PCDH11X: variants seen among roughly 807,000 people sequenced by gnomAD.
PCDH11X encodes protocadherin-11 X-linked.
PCDH11X carries 18 observed loss-of-function variants against 53.3 expected under a neutral mutation model. The observed-to-expected ratio is 0.34, with a 90% CI of 0.23 to 0.50. The LOEUF is 0.50. Ranked by LOEUF, PCDH11X falls within the 20% of genes least tolerant of loss-of-function variation. The pLI is 0.98. For synonymous variants in PCDH11X, 279 were observed against 393.3 expected, an observed-to-expected ratio of 0.71 and a Z score of 3.44; for missense variants, 570 against 1,032.4, an observed-to-expected ratio of 0.55 and a Z score of 6.14.
At chrX:92,263,635 C>T (rs748336581) in intron 8 of PCDH11X, among the ~76,000 whole-genome samples, 11 of 111,335 alleles carry the variant, frequency 9.9e-5, no homozygotes, top group East Asian at 8.5e-4. Flanking sequence ...TCCTTCAATG[C>T]GAAAATTTTA....
chrX:91,962,941 T>A (rs776315569), intron 6 of PCDH11X, among the ~76,000 whole-genome samples: 1 of 108,537 alleles, frequency 9.2e-6, no homozygotes, highest in Non-Finnish European at 1.9e-5. Context: ...GGGCATCAAG[T>A]CCCAAGACTA....
At chrX:92,536,227 T>A (rs1246465628) in intron 10 of PCDH11X, among the ~76,000 whole-genome samples, 8 of 111,703 alleles carry the variant, frequency 7.2e-5, no homozygotes, top group Admixed American at 1.9e-4. Flanking sequence ...TCTCGTAGTA[T>A]GTTTTCCAGC....
chrX:92,359,160 G>A (rs192891080), intron 8 of PCDH11X, among the ~76,000 whole-genome samples: 1,667 of 104,779 alleles, frequency 0.016, 33 homozygotes, highest in African/African-American at 0.054. Flanking sequence ...GATTAATTTG[G>A]GGGAGGATAA....
chrX:92,575,564 G>A (rs1276394150), intron 10 of PCDH11X, among the ~76,000 whole-genome samples: 2 of 108,631 alleles, frequency 1.8e-5, no homozygotes, highest in African/African-American at 6.6e-5. Context: ...AGTAAAGTGT[G>A]AGCTTATTAT....
intron 8 of PCDH11X, among the ~76,000 whole-genome samples, chrX:92,361,922 T>G (rs2148540563): frequency 9.0e-6 from 1 of 111,701 alleles, no homozygotes; most frequent in East Asian, 2.8e-4. Flanking sequence ...CATGTACTAT[T>G]TGTCTTTTTT....
intron 9 of PCDH11X, among the ~76,000 whole-genome samples, chrX:92,447,262 A>G (rs1268705499): frequency 8.9e-6 from 1 of 111,991 alleles, no homozygotes; most frequent in Non-Finnish European, 1.9e-5. Flanking sequence ...TTAATCACCA[A>G]GACAGTGGGG....
intron 8 of PCDH11X, among the ~76,000 whole-genome samples, chrX:92,300,494 G>C (rs1185278867): frequency 9.1e-6 from 1 of 110,483 alleles, no homozygotes; most frequent in Non-Finnish European, 1.9e-5. Flanking sequence ...TTGTTTGTTT[G>C]TTTTTCGGAG....
intron 9 of PCDH11X, among the ~76,000 whole-genome samples, chrX:92,436,491 T>G (rs760797346): frequency 9.0e-6 from 1 of 111,562 alleles, no homozygotes; most frequent in South Asian, 3.8e-4. Context: ...CCCAGAGGAA[T>G]AAAAATCATT....
intron 8 of PCDH11X, among the ~76,000 whole-genome samples, chrX:92,355,166 G>T (rs1484861117): frequency 9.7e-6 from 1 of 103,479 alleles, no homozygotes; most frequent in Non-Finnish European, 1.9e-5. Context: ...GGTGGTTCAC[G>T]CCTGTAATCC....
intron 6 of PCDH11X, among the ~76,000 whole-genome samples, chrX:92,046,811 T>C (rs1311669275): frequency 9.2e-6 from 1 of 108,610 alleles, no homozygotes; most frequent in Non-Finnish European, 1.9e-5. Flanking sequence ...TTCATTACTA[T>C]TAGAAATACA....
intron 6 of PCDH11X, among the ~76,000 whole-genome samples, chrX:92,160,619 G>T (rs182749584): frequency 9.6e-6 from 1 of 104,009 alleles, no homozygotes; most frequent in Non-Finnish European, 2.0e-5. Context: ...CTATAAACAT[G>T]CATGTGCAGG....
chrX:92,000,019 G>A (rs776081077), intron 6 of PCDH11X, among the ~76,000 whole-genome samples: 28 of 111,610 alleles, frequency 2.5e-4, no homozygotes, highest in Non-Finnish European at 4.1e-4. Context: ...GTTTCACTAT[G>A]TATGGGGGGT....
chrX:92,535,724 C>A (rs1382184183), intron 10 of PCDH11X, among the ~76,000 whole-genome samples: 1 of 111,116 alleles, frequency 9.0e-6, no homozygotes, highest in Non-Finnish European at 1.9e-5. Context: ...GAAATTGAGG[C>A]AAAGATAGGA....
At chrX:92,214,741 C>G (rs886934976) in intron 7 of PCDH11X, among the ~76,000 whole-genome samples, 13 of 111,502 alleles carry the variant, frequency 1.2e-4, no homozygotes, top group Non-Finnish European at 1.7e-4. Context: ...GATAGTGAGA[C>G]TGGGCCTGTT....
rs1602258453 is a variant in PCDH11X, at chrX:91,807,149, G to C, written c.-378-2317G>C. ...GAGAATAGGAGTTGGAGACCAGCCT[G>C]GGCAACATAGAAAGACCTCATCTCT... On this transcript the variant is annotated intron_variant, in intron 1 of 10. Coordinates refer to ENST00000682573, the MANE Select transcript of PCDH11X (RefSeq NM_032968.5). 3.1e-5 allele frequency among the ~76,000 whole-genome samples: 3 copies of C among 96,633 alleles called. No individual in the cohort carries two copies. The Admixed American group carries it at 3.4e-4, about 11-fold the overall frequency. 83.9% of individuals were successfully genotyped at this position (96,633 alleles called of 115,157 possible).
intron 9 of PCDH11X, among the ~76,000 whole-genome samples, chrX:92,412,517 A>G (rs1230268539): frequency 3.5e-5 from 2 of 56,419 alleles, no homozygotes; most frequent in East Asian, 6.2e-4. Flanking sequence ...TAGTATATAT[A>G]TATATATATA....
chrX:92,280,701 A>G (rs2068231701), intron 8 of PCDH11X, among the ~76,000 whole-genome samples: 1 of 110,612 alleles, frequency 9.0e-6, no homozygotes, highest in South Asian at 3.8e-4. Flanking sequence ...GAACTAAATA[A>G]AAACTAGGTA....
At chrX:92,520,281 T>C (rs754593134) in intron 10 of PCDH11X, among the ~76,000 whole-genome samples, 1 of 108,172 alleles carries the variant, frequency 9.2e-6, no homozygotes, top group Non-Finnish European at 1.9e-5. Flanking sequence ...CATTAAGCTA[T>C]AGTCTATTAA....
chrX:92,441,149 T>C, intron 9 of PCDH11X, among the ~76,000 whole-genome samples: 1 of 107,292 alleles, frequency 9.3e-6, no homozygotes. Flanking sequence ...AGCAAAGCAT[T>C]CAGGATGTGA....
Sources: allele counts gnomAD v4.1 joint callset (sites outside exome capture counted in the v4.1 genomes callset), GRCh38; gene constraint gnomAD v4.1.1; transcripts MANE v1.5; gene names NCBI Gene and HGNC (gene_info 2026-07-23, HGNC 2026-07-21).